ALDH1L2: variants seen among roughly 807,000 people sequenced by gnomAD.
ALDH1L2 encodes the protein mitochondrial 10-formyltetrahydrofolate dehydrogenase.
ALDH1L2 carries 91 observed loss-of-function variants against 111.0 expected under a neutral mutation model. That is an observed-to-expected ratio of 0.82 (90% CI 0.69 to 0.98). The LOEUF (loss-of-function observed/expected upper bound fraction) is 0.98, where lower values mean the gene tolerates loss of function less well. Ranked by LOEUF, ALDH1L2 falls within the 50% of genes least tolerant of loss-of-function variation. ALDH1L2 has a pLI of 0.00. For missense variants in ALDH1L2, 995 were observed against 1,126.8 expected (o/e 0.88, Z 1.67); for synonymous variants, 374 against 392.6 (o/e 0.95, Z 0.56).
intron 15 of ALDH1L2, among the ~76,000 whole-genome samples, chr12:105,043,509 A>C (rs996529656): frequency 1.3e-5 from 2 of 152,192 alleles, no homozygotes; most frequent in Non-Finnish European, 2.9e-5. Flanking sequence ...AACACTGTTG[A>C]AATAGTGGAT....
intron 7 of ALDH1L2, among the ~76,000 whole-genome samples, chr12:105,062,125 A>G (rs1239037614): frequency 2.6e-5 from 4 of 152,268 alleles, no homozygotes; most frequent in Admixed American, 2.6e-4. Flanking sequence ...GAATGCATGC[A>G]TAAGTGCTTG....
At chr12:105,036,163 A>G (rs1444514793) in intron 18 of ALDH1L2, among the ~76,000 whole-genome samples, 1 of 56,406 alleles carries the variant, frequency 1.8e-5, no homozygotes, top group Non-Finnish European at 2.7e-5. Context: ...TGTATATAAT[A>G]TATACACGTA....
rs1010755194 is a variant in ALDH1L2 at position 105,019,830 on chromosome 12, A to C, written c.*4594T>G. 6 of 152,242 alleles carry C rather than the reference A, an allele frequency of 3.9e-5. No homozygotes were observed. Among genetic ancestry groups the C allele is most frequent in the Non-Finnish European group, 8.8e-5 (6 of 68,048 alleles). 9.4% of individuals were successfully genotyped at this position (152,242 alleles called of 1,614,324 possible). A position where few individuals can be genotyped will look rare whatever the true frequency, so the allele number is the denominator to read the frequency against. Reference sequence around the variant, plus strand: ...TTATTGGCATAGATGCTTATGATATATTGTTAATTGAAAAAGCAGGTAACA... The same window carrying C: ...TTATTGGCATAGATGCTTATGATATCTTGTTAATTGAAAAAGCAGGTAACA... On this transcript the variant is annotated 3_prime_UTR_variant, in exon 23 of 23. Transcript: ENST00000258494.
At position 105,046,981 on chromosome 12, in the gene ALDH1L2, GA is replaced by G; in HGVS notation, c.1687-13del. On this transcript the variant is annotated splice_polypyrimidine_tract_variant and intron_variant, in intron 13 of 22. Coordinates refer to ENST00000258494, the MANE Select transcript of ALDH1L2 (RefSeq NM_001034173.4). ...GGAATAGTAGAACCCTAAAGAATGA[GA>G]AAAGTTGATACTTATTTTACTAATT... 1 of 1,612,406 alleles carries G rather than the reference GA, an allele frequency of 6.2e-7. No individual in the cohort carries two copies. Among genetic ancestry groups the G allele is most frequent in the Non-Finnish European group, 8.5e-7 (1 of 1,178,536 alleles).
At position 105,061,039 on chromosome 12, in the gene ALDH1L2, TG is replaced by T; in HGVS notation, c.1080del (p.Ile361LeufsTer53). 1.2e-6 allele frequency: 2 copies of T among 1,614,012 alleles called. No individual in the cohort carries two copies. The highest frequency in any genetic ancestry group is 1.1e-5 in the South Asian group (1 of 91,076). ...AAGAAGTCTGTTGAGTCTTCAATAA[TG>T]GGGACATTGCTTAAAATTCCAGCCC... is the stretch of plus-strand genomic sequence containing the variant. The part of the protein sequence containing the change: ...VIWAGILSNV[P>X]IIEDSTDFFK... On this transcript the variant is annotated frameshift_variant, in exon 9 of 23. Coordinates refer to ENST00000258494, the MANE Select transcript of ALDH1L2 (RefSeq NM_001034173.4). LOFTEE classifies it high-confidence loss of function.
chr12:105,036,330 TTA>T (rs796711428), intron 18 of ALDH1L2, among the ~76,000 whole-genome samples: 1 of 55,808 alleles, frequency 1.8e-5, no homozygotes, highest in African/African-American at 5.6e-5. Flanking sequence ...TGTATATATA[TTA>T]TATATACGTA....
intron 15 of ALDH1L2, among the ~76,000 whole-genome samples, chr12:105,045,137 G>T (rs1565956414): frequency 6.6e-6 from 1 of 152,162 alleles, no homozygotes; most frequent in Non-Finnish European, 1.5e-5. Flanking sequence ...AGGCTGGAGT[G>T]CAATGGTGCA....
intron 10 of ALDH1L2, among the ~76,000 whole-genome samples, 193 bp downstream of exon 10, chr12:105,057,880 C>A (rs766461193): frequency 6.6e-6 from 1 of 152,054 alleles, no homozygotes; most frequent in Non-Finnish European, 1.5e-5. Flanking sequence ...ATTGCACAAC[C>A]CTGTGAATAT....
At chr12:105,054,052 A>G (rs1876462071) in intron 10 of ALDH1L2, among the ~76,000 whole-genome samples, 2 of 152,082 alleles carry the variant, frequency 1.3e-5, no homozygotes, top group Admixed American at 1.3e-4. Context: ...TAAATAGGGT[A>G]AAAATAATGG....
In ALDH1L2 at chr12:105,036,210, TTATATATGTGTATATAA is replaced by T. The variant is rs1875048086; in HGVS notation, c.2146-1829_2146-1813del. ...GTGTATATAATATATACACGTATAT[TTATATATGTGTATATAA>T]TATATACACGTATATTTATATATGT... is the stretch of plus-strand genomic sequence containing the variant. On this transcript the variant is annotated intron_variant, in intron 18 of 22. Transcript: ENST00000258494. Among the ~76,000 whole-genome samples, 7 of 53,510 alleles carry T rather than the reference TTATATATGTGTATATAA, an allele frequency of 1.3e-4. 2 individuals carry two copies. The highest frequency in any genetic ancestry group is 8.7e-4 in the South Asian group (1 of 1,148). 35.1% of individuals were successfully genotyped at this position (53,510 alleles called of 152,430 possible). A position where few individuals can be genotyped will look rare whatever the true frequency, so the allele number is the denominator to read the frequency against.
chr12:105,072,684 G>A (rs1329098593), intron 2 of ALDH1L2, among the ~76,000 whole-genome samples: 2 of 152,156 alleles, frequency 1.3e-5, no homozygotes, highest in African/African-American at 4.8e-5. Flanking sequence ...GTAAAAAAAT[G>A]TACTCCAGGC....
At chr12:105,061,892 TTA>T (rs1258086361) in intron 7 of ALDH1L2, 140 bp from the exon 8 acceptor site, 2 of 1,051,926 alleles carry the variant, frequency 1.9e-6, no homozygotes, top group African/African-American at 3.2e-5. Context: ...GCATTCACCA[TTA>T]TGTGTAAAAG....
intron 18 of ALDH1L2, among the ~76,000 whole-genome samples, chr12:105,037,660 A>G (rs1875237632): frequency 6.6e-6 from 1 of 152,274 alleles, no homozygotes; most frequent in Non-Finnish European, 1.5e-5. Context: ...AAATCTAAGC[A>G]TAAAAACAAT....
At position 105,031,856 on chromosome 12, in the gene ALDH1L2, G is replaced by A. The variant is rs150155342; in HGVS notation, c.2323C>T (p.His775Tyr). Residue 775 changes from histidine (H) to tyrosine (Y), a missense_variant, in exon 20 of 23, where the codon CAT becomes TAT. By Grantham distance (83) the His-to-Tyr change is moderately conservative (BLOSUM62 2). Coordinates refer to ENST00000258494, the MANE Select transcript of ALDH1L2 (RefSeq NM_001034173.4). The stretch of plus-strand genomic sequence containing the variant: ...CAGTATTGCAGCAGCTTTTCCAGAT[G>A]AGCCTTATGATTTTGGGGCCCATGA... ...TDHGPQNHKA[H>Y]LEKLLQYCET... 40 of 1,614,110 alleles carry A rather than the reference G, an allele frequency of 2.5e-5. No individual in the cohort carries two copies. Among genetic ancestry groups the A allele is most frequent in the Non-Finnish European group, 3.3e-5 (39 of 1,180,016 alleles).
chr12:105,074,457 C>CAAAAAAAAAAAAAAAAAAAAAAAAAAAAA (rs1565974203), intron 1 of ALDH1L2, among the ~76,000 whole-genome samples: 3 of 93,692 alleles, frequency 3.2e-5, no homozygotes, highest in Non-Finnish European at 5.7e-5. Context: ...GACTCTGTCT[C>CAAAAAAAAAAAAAAAAAAAAAAAAAAAAA]CAAAAAAAAA....
chr12:105,044,571 G>T (rs1194353514), intron 15 of ALDH1L2, among the ~76,000 whole-genome samples: 2 of 82,194 alleles, frequency 2.4e-5, no homozygotes, highest in Non-Finnish European at 5.6e-5. Context: ...CTGTTTAATG[G>T]GTTGTGCACC....
At chr12:105,065,159 T>TGC in intron 6 of ALDH1L2, 108 bp downstream of exon 6, 1 of 678,082 alleles carries the variant, frequency 1.5e-6, no homozygotes, top group Non-Finnish European at 2.5e-6. Context: ...ATCACAGACC[T>TGC]GCCTCATGAC....
intron 9 of ALDH1L2, 113 bp downstream of exon 9, chr12:105,060,868 T>A: frequency 1.4e-6 from 1 of 726,012 alleles, no homozygotes; most frequent in African/African-American, 1.9e-5. Context: ...TAGATAGGTA[T>A]GATAAGGTAA....
intron 2 of ALDH1L2, among the ~76,000 whole-genome samples, chr12:105,071,227 C>G (rs1185523835): frequency 2.6e-5 from 4 of 152,218 alleles, no homozygotes; most frequent in Non-Finnish European, 5.9e-5. Flanking sequence ...ATACTGAACA[C>G]ATCGTAGACC....
Sources: allele counts gnomAD v4.1 joint callset (sites outside exome capture counted in the v4.1 genomes callset), GRCh38; gene constraint gnomAD v4.1.1; transcripts MANE v1.5; gene names NCBI Gene and HGNC (gene_info 2026-07-23, HGNC 2026-07-21).